The following ADCY2 variants were observed in gnomAD, a reference collection of about 807,000 sequenced individuals.
The protein encoded by ADCY2 is adenylate cyclase type 2.
A neutral mutation model predicts 125.2 loss-of-function variants in ADCY2; 31 were observed. The observed-to-expected ratio is 0.25, with a 90% CI of 0.19 to 0.33. The LOEUF is 0.33. Ranked by LOEUF, ADCY2 falls within the 10% of genes least tolerant of loss-of-function variation. The probability of loss-of-function intolerance (pLI) is 1.00; values close to 1 mark genes in which losing one functional copy is unlikely to be tolerated. For missense variants in ADCY2, 904 were observed against 1,418.2 expected (o/e 0.64, Z 5.82); for synonymous variants, 512 against 548.4 (o/e 0.93, Z 0.93).
rs565720139 is a variant in ADCY2, at chr5:7,729,561, T to C, written c.1871+2300T>C. On this transcript the variant is annotated intron_variant, in intron 14 of 24. Transcript: ENST00000338316. ...TGCTTTTCTTTGGTCCTTTTTTTTC[T>C]TTTTTCTGATTTCTAATGGATTGAT... Among the ~76,000 whole-genome samples, 6 of 151,762 alleles carry C rather than the reference T, an allele frequency of 4.0e-5. No individual in the cohort carries two copies. In the South Asian group the frequency reaches 1.2e-3, roughly 31 times the overall value.
chr5:7,608,493 T>G (rs1182985202), intron 3 of ADCY2, among the ~76,000 whole-genome samples: 1 of 152,114 alleles, frequency 6.6e-6, no homozygotes, highest in Non-Finnish European at 1.5e-5. Flanking sequence ...TGAGAATTGC[T>G]TGAACCCAGG....
chr5:7,449,933 C>T (rs1741410952), intron 2 of ADCY2, among the ~76,000 whole-genome samples: 1 of 152,106 alleles, frequency 6.6e-6, no homozygotes. Flanking sequence ...TTTTGGGGCA[C>T]CACGAACCGC....
intron 17 of ADCY2, among the ~76,000 whole-genome samples, chr5:7,767,251 T>C (rs1000823192): frequency 6.6e-6 from 1 of 152,204 alleles, no homozygotes; most frequent in African/African-American, 2.4e-5. Context: ...TGCTGAGTGA[T>C]TCTGTTCCCT....
At chr5:7,493,577 G>T (rs2126492127) in intron 2 of ADCY2, among the ~76,000 whole-genome samples, 1 of 152,258 alleles carries the variant, frequency 6.6e-6, no homozygotes, top group Middle Eastern at 3.4e-3. Context: ...GGGGTTAGAG[G>T]GGGATCCCTT....
intron 4 of ADCY2, among the ~76,000 whole-genome samples, chr5:7,632,372 C>T (rs113781999): frequency 0.026 from 3,952 of 152,200 alleles, 180 homozygotes; most frequent in African/African-American, 0.091. Flanking sequence ...TTTGGTATCT[C>T]CTCCTTGGTA....
At chr5:7,526,171 G>A (rs1430097028) in intron 3 of ADCY2, among the ~76,000 whole-genome samples, 1 of 152,218 alleles carries the variant, frequency 6.6e-6, no homozygotes, top group Non-Finnish European at 1.5e-5. Flanking sequence ...CATTCTGGAT[G>A]CACCTCACAC....
chr5:7,482,791 TACACACAC>T (rs1554012998), intron 2 of ADCY2, among the ~76,000 whole-genome samples: 5 of 139,812 alleles, frequency 3.6e-5, no homozygotes, highest in East Asian at 2.1e-4. Flanking sequence ...TATATATATA[TACACACAC>T]ACATACATAT....
chr5:7,744,337 A>G (rs1038562589), intron 15 of ADCY2, among the ~76,000 whole-genome samples: 6 of 152,178 alleles, frequency 3.9e-5, no homozygotes, highest in East Asian at 3.8e-4. Context: ...ATGTATGCCT[A>G]TGTAACAAAC....
At chr5:7,771,564 C>T (rs1175548981) in intron 17 of ADCY2, among the ~76,000 whole-genome samples, 1 of 152,144 alleles carries the variant, frequency 6.6e-6, no homozygotes, top group African/African-American at 2.4e-5. Flanking sequence ...GATTTCTACT[C>T]ATTCCTGCTT....
At chr5:7,449,107 G>T (rs184077537) in intron 2 of ADCY2, among the ~76,000 whole-genome samples, 9 of 152,114 alleles carry the variant, frequency 5.9e-5, no homozygotes, top group African/African-American at 1.7e-4. Flanking sequence ...GTGTAAAAGC[G>T]TTTTTTTCCC....
Position 7,431,227 on chromosome 5 carries a change from G to A in ADCY2, c.408+16457G>A, listed in dbSNP as rs766180059. ...GCCAATGGGATACACTAGACTATCC[G>A]GAAATAAGTCCCATGCCTATGTGGT... On this transcript the variant is annotated intron_variant, in intron 2 of 24. Coordinates refer to ENST00000338316, the MANE Select transcript of ADCY2 (RefSeq NM_020546.3). Among the ~76,000 whole-genome samples, 12 of 152,184 alleles carry A rather than the reference G, an allele frequency of 7.9e-5. No homozygotes were observed. In the East Asian group the frequency reaches 1.2e-3, roughly 15 times the overall value.
intron 2 of ADCY2, among the ~76,000 whole-genome samples, chr5:7,459,186 A>G (rs905653834): frequency 1.3e-5 from 2 of 152,188 alleles, no homozygotes; most frequent in Admixed American, 1.3e-4. Context: ...CAATTCTGCA[A>G]GCAAATTTAA....
chr5:7,819,829 T>C (rs1745240442), intron 23 of ADCY2, among the ~76,000 whole-genome samples: 1 of 152,180 alleles, frequency 6.6e-6, no homozygotes, highest in Admixed American at 6.5e-5. Flanking sequence ...AGCTGTAGAA[T>C]CAGTTGGAAC....
intron 14 of ADCY2, among the ~76,000 whole-genome samples, chr5:7,730,903 A>G (rs1054024434): frequency 6.6e-6 from 1 of 151,712 alleles, no homozygotes; most frequent in Non-Finnish European, 1.5e-5. Flanking sequence ...ACTAGGTGTG[A>G]TTTTTCAATC....
At chr5:7,608,707 G>A (rs868233798) in intron 3 of ADCY2, among the ~76,000 whole-genome samples, 20 of 152,106 alleles carry the variant, frequency 1.3e-4, no homozygotes, top group African/African-American at 4.8e-4. Flanking sequence ...AATGCCACAG[G>A]TATATTGCGT....
At chr5:7,817,927 T>TA (rs375209904) in intron 23 of ADCY2, among the ~76,000 whole-genome samples, 25 of 152,156 alleles carry the variant, frequency 1.6e-4, no homozygotes, top group Non-Finnish European at 2.9e-4. Context: ...TGATTTTTTT[T>TA]AGCATGTTTC....
chr5:7,817,141 A>T (rs533065951), intron 23 of ADCY2, among the ~76,000 whole-genome samples, 161 bp downstream of exon 23: 1 of 147,006 alleles, frequency 6.8e-6, no homozygotes, highest in East Asian at 1.9e-4. Flanking sequence ...TTTTGAACAA[A>T]TTAGAAAAAA....
intron 4 of ADCY2, among the ~76,000 whole-genome samples, chr5:7,631,645 G>C (rs1301067186): frequency 1.3e-5 from 2 of 152,330 alleles, no homozygotes; most frequent in East Asian, 3.9e-4. Flanking sequence ...GTCAGTAGCT[G>C]TTCTTCCATT....
At chr5:7,403,714 T>G (rs887345525) in intron 1 of ADCY2, among the ~76,000 whole-genome samples, 1 of 152,192 alleles carries the variant, frequency 6.6e-6, no homozygotes, top group African/African-American at 2.4e-5. Context: ...TTTTATCATA[T>G]ATAGACACAT....
Sources: gnomAD v4.1 joint callset for allele counts (sites outside exome capture counted in the v4.1 genomes callset) on GRCh38, gnomAD v4.1.1 for gene constraint, MANE v1.5 for transcripts, NCBI Gene and HGNC (gene_info 2026-07-23, HGNC 2026-07-21) for gene names.